Variants in ZDHHC11 observed in about 807,000 individuals in gnomAD.
ZDHHC11 encodes zDHHC palmitoyltransferase 11, also known as palmitoyltransferase ZDHHC11.
Under a neutral mutation model 51.3 loss-of-function variants are expected in ZDHHC11, and 44 were observed. The ratio of observed to expected loss-of-function variants is 0.86; its 90% CI spans 0.67 to 1.10. The LOEUF is 1.10. Among genes scored for constraint, ZDHHC11 ranks in the 50% least tolerant of loss-of-function variants. ZDHHC11 has a pLI of 0.00. For synonymous variants in ZDHHC11, 163 were observed against 222.0 expected (o/e 0.73, Z 2.36); for missense variants, 400 against 537.7 (o/e 0.74, Z 2.53).
chr5:808,024 C>G (rs1270455634), intron 11 of ZDHHC11, among the ~76,000 whole-genome samples: 1 of 150,752 alleles, frequency 6.6e-6, no homozygotes, highest in African/African-American at 2.5e-5. Context: ...ATCAGACTCT[C>G]AGTGATTGTG....
intron 1 of ZDHHC11, among the ~76,000 whole-genome samples, chr5:857,028 A>G (rs1225921509): frequency 6.6e-6 from 1 of 151,100 alleles, no homozygotes; most frequent in East Asian, 1.9e-4. Flanking sequence ...CCCACAGAAT[A>G]CCACACACAA....
At chr5:827,991 AC>A (rs2150353024) in intron 7 of ZDHHC11, among the ~76,000 whole-genome samples, 1 of 151,336 alleles carries the variant, frequency 6.6e-6, no homozygotes, top group Non-Finnish European at 1.5e-5. Context: ...CACATCTTGC[AC>A]CGCCCTTAAT....
rs1416655289 is a variant in ZDHHC11 at position 836,499 on chromosome 5, T to C, written c.900+866A>G. The stretch of plus-strand genomic sequence containing the variant: ...GTTTGGTGTCAGGTTGATAGTGGCA[T>C]TGCTGAATGAGTTGGGAAGTGTTGC... On this transcript the variant is annotated intron_variant, in intron 6 of 12. Transcript: ENST00000283441. 6.7e-5 allele frequency among the ~76,000 whole-genome samples: 10 copies of C among 150,164 alleles called. 1 individual carries two copies. The highest frequency in any genetic ancestry group is 1.9e-4 in the East Asian group (1 of 5,182).
At chr5:836,934 G>A (rs1362880709) in intron 6 of ZDHHC11, among the ~76,000 whole-genome samples, 1 of 150,328 alleles carries the variant, frequency 6.7e-6, no homozygotes, top group Non-Finnish European at 1.5e-5. Flanking sequence ...GCATACATCT[G>A]TGATCCCAGC....
At chr5:835,208 G>A (rs895436421) in intron 6 of ZDHHC11, among the ~76,000 whole-genome samples, 2 of 150,822 alleles carry the variant, frequency 1.3e-5, no homozygotes, top group Admixed American at 1.3e-4. Flanking sequence ...GGCGAATGAA[G>A]TGATCCTGGG....
In ZDHHC11 at chr5:815,166, T is replaced by C. The variant is rs187534267; in HGVS notation, c.1147-371A>G. Among the ~76,000 whole-genome samples, 23 of 151,550 alleles carry C rather than the reference T, an allele frequency of 1.5e-4. No homozygotes were observed. In the East Asian group the frequency reaches 4.1e-3, roughly 27 times the overall value. On this transcript the variant is annotated intron_variant, in intron 10 of 12. Coordinates refer to ENST00000283441, the MANE Select transcript of ZDHHC11 (RefSeq NM_024786.3). ...GGGAGATTATGACAGAGACACAAAC[T>C]GAGGGAAGACTGGGAGGACACAGAG...
chr5:802,135 T>G (rs1468198218), intron 11 of ZDHHC11, among the ~76,000 whole-genome samples: 1 of 151,176 alleles, frequency 6.6e-6, no homozygotes, highest in African/African-American at 2.4e-5. Context: ...GGGCTCCTGA[T>G]GGGGTGATTA....
intron 11 of ZDHHC11, among the ~76,000 whole-genome samples, chr5:813,432 G>C (rs970352567): frequency 4.9e-5 from 7 of 142,942 alleles, no homozygotes; most frequent in African/African-American, 1.9e-4. Flanking sequence ...GGGGAGACCG[G>C]GAGGCATGCG....
intron 7 of ZDHHC11, among the ~76,000 whole-genome samples, chr5:833,488 G>A (rs1743336111): frequency 6.6e-6 from 1 of 151,928 alleles, no homozygotes; most frequent in Non-Finnish European, 1.5e-5. Flanking sequence ...ATGGAGAGAT[G>A]TAGAAATAAA....
chr5:814,079 T>A (rs922030583), intron 11 of ZDHHC11, among the ~76,000 whole-genome samples: 1 of 144,878 alleles, frequency 6.9e-6, no homozygotes, highest in African/African-American at 2.7e-5. Flanking sequence ...AGTTAATATA[T>A]GTTCATTTTA....
At chr5:837,532 A>T (rs1377033453) in intron 5 of ZDHHC11, 52 bp from the exon 6 acceptor site, 1 of 1,584,652 alleles carries the variant, frequency 6.3e-7, no homozygotes, top group Non-Finnish European at 8.7e-7. Flanking sequence ...GCGGCTTTGC[A>T]CGGCGCCCAC....
intron 3 of ZDHHC11, among the ~76,000 whole-genome samples, chr5:844,296 A>T (rs2150423288): frequency 6.6e-6 from 1 of 152,410 alleles, no homozygotes; most frequent in Middle Eastern, 3.4e-3. Context: ...GCTTCTTGCA[A>T]ACGTGATTGC....
intron 1 of ZDHHC11, among the ~76,000 whole-genome samples, chr5:858,372 G>A (rs942099654): frequency 1.2e-4 from 13 of 109,814 alleles, no homozygotes; most frequent in South Asian, 3.0e-4. Context: ...TTATGACACC[G>A]TGGTCCCCCA....
upstream of ZDHHC11, among the ~76,000 whole-genome samples, chr5:855,494 G>A (rs1748072851): frequency 6.8e-6 from 1 of 146,048 alleles, no homozygotes; most frequent in Non-Finnish European, 1.5e-5. Context: ...AGACCCCACA[G>A]AGGACAGCAA....
At position 822,498 on chromosome 5, in the gene ZDHHC11, C is replaced by T. The variant is rs141658648; in HGVS notation, c.1024-603G>A. ...GTGCACACACATGTTGTTCTCAGTG[C>T]TCTTGGGTAAGAACCTGGGAGTGGG... On this transcript the variant is annotated intron_variant, in intron 8 of 12. Coordinates refer to ENST00000283441, the MANE Select transcript of ZDHHC11 (RefSeq NM_024786.3). Among the ~76,000 whole-genome samples, 1,164 of 150,812 alleles carry T rather than the reference C, an allele frequency of 7.7e-3. 12 individuals carry two copies. Among genetic ancestry groups the T allele is most frequent in the African/African-American group, 0.026 (1,080 of 40,818 alleles).
At chr5:803,001 A>C (rs1280789452) in intron 11 of ZDHHC11, among the ~76,000 whole-genome samples, 2 of 148,902 alleles carry the variant, frequency 1.3e-5, no homozygotes, top group East Asian at 3.9e-4. Flanking sequence ...AGCCTGGGCG[A>C]CAGAGCGAGA....
At chr5:811,851 G>A (rs866044088) in intron 11 of ZDHHC11, among the ~76,000 whole-genome samples, 4 of 138,514 alleles carry the variant, frequency 2.9e-5, no homozygotes, top group South Asian at 2.3e-4. Context: ...ACCTGAGAAA[G>A]TGACTGTCGG....
At chr5:846,564 C>T (rs532506) in intron 3 of ZDHHC11, among the ~76,000 whole-genome samples, 51 of 147,306 alleles carry the variant, frequency 3.5e-4, no homozygotes, top group African/African-American at 1.2e-3. Flanking sequence ...GAGTCTCCAC[C>T]GTGCTCAGGG....
In ZDHHC11 at chr5:813,752, C is replaced by G. The variant is rs1361454483; in HGVS notation, c.1181+1009G>C. Among the ~76,000 whole-genome samples the G allele has an allele frequency of 6.9e-5, 10 of 145,864 alleles. 1 individual carries two copies. Among genetic ancestry groups the G allele is most frequent in the African/African-American group, 2.4e-4 (9 of 37,110 alleles). On this transcript the variant is annotated intron_variant, in intron 11 of 12. Coordinates refer to ENST00000283441, the MANE Select transcript of ZDHHC11 (RefSeq NM_024786.3). ...TGTGCAGGCTGGGGTGGGGGCTTCCCCTGTGGGGCCGGCTGGGACTCCCTG... is the reference window on the plus strand; with the variant it reads ...TGTGCAGGCTGGGGTGGGGGCTTCCGCTGTGGGGCCGGCTGGGACTCCCTG...
Sources: allele counts gnomAD v4.1 joint callset (sites outside exome capture counted in the v4.1 genomes callset), GRCh38; gene constraint gnomAD v4.1.1; transcripts MANE v1.5; gene names NCBI Gene and HGNC (gene_info 2026-07-23, HGNC 2026-07-21).